Variants in KCNK10 observed in about 807,000 individuals in gnomAD.
KCNK10 encodes the protein potassium channel subfamily K member 10.
Under a neutral mutation model 47.7 loss-of-function variants are expected in KCNK10, and 25 were observed. The ratio of observed to expected loss-of-function variants is 0.52; its 90% CI spans 0.38 to 0.73. The LOEUF is 0.73. Ranked by LOEUF, KCNK10 falls within the 30% of genes least tolerant of loss-of-function variation. KCNK10 has a pLI of 0.00. For synonymous variants in KCNK10, 303 were observed against 285.6 expected (o/e 1.06, Z -0.61); for missense variants, 563 against 714.5 (o/e 0.79, Z 2.42).
intron 1 of KCNK10, among the ~76,000 whole-genome samples, chr14:88,314,410 AG>A (rs771799367): frequency 6.6e-6 from 1 of 152,202 alleles, no homozygotes; most frequent in Non-Finnish European, 1.5e-5. Flanking sequence ...CAGAACAGTG[AG>A]AAATAAATTT....
At chr14:88,319,772 G>T (rs923792927) in intron 1 of KCNK10, among the ~76,000 whole-genome samples, 1 of 152,008 alleles carries the variant, frequency 6.6e-6, no homozygotes, top group Non-Finnish European at 1.5e-5. Flanking sequence ...AAAGCCAAAA[G>T]TCCCAATAAG....
chr14:88,302,995 C>T (rs1381891901), intron 1 of KCNK10, among the ~76,000 whole-genome samples: 2 of 152,160 alleles, frequency 1.3e-5, no homozygotes, highest in African/African-American at 4.8e-5. Context: ...AAGGATAATA[C>T]CATCCCCCTT....
chr14:88,207,514 A>G (rs1885320675), intron 4 of KCNK10, among the ~76,000 whole-genome samples: 2 of 152,118 alleles, frequency 1.3e-5, no homozygotes, highest in Admixed American at 6.5e-5. Context: ...GGGATTGTGC[A>G]GGATTAGGAG....
chr14:88,325,712 G>T (rs901960847), upstream of KCNK10, among the ~76,000 whole-genome samples: 1 of 152,134 alleles, frequency 6.6e-6, no homozygotes, highest in Non-Finnish European at 1.5e-5. Flanking sequence ...AAAATGAACT[G>T]ACCTATGGTT....
intron 1 of KCNK10, among the ~76,000 whole-genome samples, chr14:88,269,556 C>G (rs1162960392): frequency 6.6e-6 from 1 of 152,158 alleles, no homozygotes; most frequent in East Asian, 1.9e-4. Context: ...CCCACCCCAG[C>G]CTCCCCAGTA....
At chr14:88,202,418 T>C (rs1405174802) in intron 4 of KCNK10, among the ~76,000 whole-genome samples, 8 of 152,224 alleles carry the variant, frequency 5.3e-5, no homozygotes, top group Non-Finnish European at 8.8e-5. Flanking sequence ...ATGTACCACC[T>C]ACTGACTTTC....
chr14:88,220,412 G>A (rs543068314), intron 4 of KCNK10, among the ~76,000 whole-genome samples: 130 of 51,942 alleles, frequency 2.5e-3, no homozygotes, highest in Non-Finnish European at 2.5e-3. Flanking sequence ...GCGAGACTCC[G>A]TCTCAAAAAA....
chr14:88,201,811 A>C (rs747708626), intron 4 of KCNK10, among the ~76,000 whole-genome samples: 13 of 152,226 alleles, frequency 8.5e-5, no homozygotes, highest in Non-Finnish European at 1.8e-4. Context: ...AATGTAATGA[A>C]TAAAGTAGAC....
upstream of KCNK10, among the ~76,000 whole-genome samples, chr14:88,325,481 A>C (rs1415280601): frequency 6.6e-6 from 1 of 152,152 alleles, no homozygotes; most frequent in Admixed American, 6.5e-5. Flanking sequence ...AGATGAGAAG[A>C]TCAAGGCTCA....
At chr14:88,269,273 A>T (rs1484314300) in intron 1 of KCNK10, among the ~76,000 whole-genome samples, 4 of 152,222 alleles carry the variant, frequency 2.6e-5, no homozygotes, top group Non-Finnish European at 1.5e-5. Context: ...CTCAAGCCCC[A>T]CAGATATTAC....
chr14:88,207,670 T>G (rs1377983141), intron 4 of KCNK10, among the ~76,000 whole-genome samples: 2 of 152,186 alleles, frequency 1.3e-5, no homozygotes, highest in African/African-American at 4.8e-5. Flanking sequence ...CAATGTTCAT[T>G]CATTGATTCA....
At chr14:88,262,975 ACTCATCCAAAACCAGATGC>A (rs1431162559) in intron 2 of KCNK10, among the ~76,000 whole-genome samples, 9 of 151,876 alleles carry the variant, frequency 5.9e-5, no homozygotes, top group Non-Finnish European at 1.3e-4. Flanking sequence ...GCCTCTGACC[ACTCATCCAAAACCAGATGC>A]AGAACATGGA....
chr14:88,301,901 T>A (rs1226674079), intron 1 of KCNK10, among the ~76,000 whole-genome samples: 3 of 152,168 alleles, frequency 2.0e-5, no homozygotes, highest in Non-Finnish European at 1.5e-5. Context: ...TTCATATTTT[T>A]AAAAGATCAT....
chr14:88,246,043 T>C (rs556105106), intron 2 of KCNK10, among the ~76,000 whole-genome samples: 1 of 152,166 alleles, frequency 6.6e-6, no homozygotes, highest in African/African-American at 2.4e-5. Context: ...GATGAGGGCA[T>C]GAATGTGGAA....
rs139959909 is a variant in KCNK10, at chr14:88,190,216, G to A, written c.868+2008C>T. On this transcript the variant is annotated intron_variant, in intron 5 of 6. Coordinates refer to ENST00000319231, the MANE Select transcript of KCNK10 (RefSeq NM_138317.3). The stretch of plus-strand genomic sequence containing the variant: ...ACAGACTGAACTGAGCCATTGGTTA[G>A]AGATCTGTGTCTGTCACAGGTATCT... Among the ~76,000 whole-genome samples, 8 of 152,348 alleles carry A rather than the reference G, an allele frequency of 5.3e-5. No homozygotes were observed. In the East Asian group the frequency reaches 1.5e-3, roughly 29 times the overall value.
intron 1 of KCNK10, among the ~76,000 whole-genome samples, chr14:88,304,018 C>G (rs970903272): frequency 3.3e-5 from 5 of 152,032 alleles, no homozygotes; most frequent in African/African-American, 1.2e-4. Flanking sequence ...ATTAGCATCT[C>G]AATAGCAATC....
chr14:88,205,114 G>A (rs1318407491), intron 4 of KCNK10, among the ~76,000 whole-genome samples: 3 of 152,216 alleles, frequency 2.0e-5, no homozygotes, highest in Non-Finnish European at 2.9e-5. Context: ...GACTTTTCTA[G>A]AATGTCATGT....
At chr14:88,307,463 A>T (rs1157567205) in intron 1 of KCNK10, among the ~76,000 whole-genome samples, 1 of 152,152 alleles carries the variant, frequency 6.6e-6, no homozygotes, top group Non-Finnish European at 1.5e-5. Flanking sequence ...GAGAGATAAA[A>T]TGGGGAGTGA....
intron 1 of KCNK10, chr14:88,270,958 C>T (rs1887392662): frequency 8.9e-6 from 6 of 672,606 alleles, no homozygotes; most frequent in East Asian, 5.1e-5. Flanking sequence ...ATCTCACAGG[C>T]CTCACCCACT....
Sources: allele counts gnomAD v4.1 joint callset (sites outside exome capture counted in the v4.1 genomes callset), GRCh38; gene constraint gnomAD v4.1.1; transcripts MANE v1.5; gene names NCBI Gene and HGNC (gene_info 2026-07-23, HGNC 2026-07-21).